Variants in FNBP1 observed in about 807,000 individuals in gnomAD.
FNBP1 encodes formin binding protein 1.
In FNBP1, 26 loss-of-function variants were observed where a neutral mutation model predicts 90.6. That is an observed-to-expected ratio of 0.29 (90% CI 0.21 to 0.40). The LOEUF is 0.40. Among genes scored for constraint, FNBP1 ranks in the 10% least tolerant of loss-of-function variants. The pLI is 1.00. For missense variants in FNBP1, 635 were observed against 768.0 expected (o/e 0.83, Z 2.05); for synonymous variants, 260 against 265.2 (o/e 0.98, Z 0.19).
At chr9:129,913,802 T>C (rs974250947) in intron 11 of FNBP1, among the ~76,000 whole-genome samples, 2 of 152,034 alleles carry the variant, frequency 1.3e-5, no homozygotes, top group African/African-American at 4.8e-5. Flanking sequence ...CCCTTGCTTG[T>C]TGACAGCTTC....
In FNBP1 at chr9:130,039,412, C is replaced by T. The variant is rs564800333; in HGVS notation, c.24+3540G>A. On this transcript the variant is annotated intron_variant, in intron 1 of 16. Coordinates refer to ENST00000446176, the MANE Select transcript of FNBP1 (RefSeq NM_015033.3). ...ATGTAAGCCTGGGCGAGGTAGCTCG[C>T]GCCTGTAATCCCAGCACTTTGGGAG... 1.2e-3 allele frequency among the ~76,000 whole-genome samples: 189 copies of T among 152,254 alleles called. 1 individual carries two copies. Among genetic ancestry groups the T allele is most frequent in the African/African-American group, 4.3e-3 (180 of 41,552 alleles).
the FNBP1 span, chr9:130,053,667 C>G: frequency 1.9e-6 from 1 of 527,618 alleles, no homozygotes; most frequent in Non-Finnish European, 3.4e-6. Flanking sequence ...CCGGGCTGGT[C>G]TGGTTCGGCC....
At chr9:130,011,214 T>TAAAA in intron 1 of FNBP1, among the ~76,000 whole-genome samples, 1 of 8,446 alleles carries the variant, frequency 1.2e-4, no homozygotes, top group Non-Finnish European at 1.9e-4. Context: ...AGACTCCATC[T>TAAAA]CAAAAAAAAA....
At chr9:129,985,329 T>C (rs2051988987) in intron 2 of FNBP1, among the ~76,000 whole-genome samples, 1 of 152,164 alleles carries the variant, frequency 6.6e-6, no homozygotes, top group African/African-American at 2.4e-5. Flanking sequence ...TATTACCTTA[T>C]TAAGCCCACT....
intron 4 of FNBP1, among the ~76,000 whole-genome samples, chr9:129,970,143 G>A (rs1410897716): frequency 6.6e-6 from 1 of 151,674 alleles, no homozygotes; most frequent in African/African-American, 2.4e-5. Flanking sequence ...CCGACCTCAT[G>A]ATCCCCCTAC....
In FNBP1 at chr9:129,967,479, C is replaced by A. The variant is rs543862677; in HGVS notation, c.346-8926G>T. 1.4e-4 allele frequency among the ~76,000 whole-genome samples: 21 copies of A among 152,210 alleles called. No individual in the cohort carries two copies. The South Asian group carries it at 1.7e-3, about 12-fold the overall frequency. ...GCAGAGAGCCGAGATAGCGCCACTGCACTCCAGACTGGTGACAGAGTGAGA... is the reference window on the plus strand; with the variant it reads ...GCAGAGAGCCGAGATAGCGCCACTGAACTCCAGACTGGTGACAGAGTGAGA... On this transcript the variant is annotated intron_variant, in intron 4 of 16. Transcript: ENST00000446176.
In FNBP1 at chr9:129,890,993, A is replaced by T. The variant is rs1368361776; in HGVS notation, c.1847-447T>A. ...AACATGGTGAAAACCCATCTCTATTAAAAATACAACAATTAGCCTGGCGTG... is the reference window on the plus strand; with the variant it reads ...AACATGGTGAAAACCCATCTCTATTTAAAATACAACAATTAGCCTGGCGTG... On this transcript the variant is annotated intron_variant, in intron 16 of 16. Transcript: ENST00000446176. This position sits in a 1 kb window ranked among gnomAD's most constrained non-coding sequence, Gnocchi z 5.8. Among the ~76,000 whole-genome samples the T allele has an allele frequency of 6.6e-6, 1 of 151,984 alleles. No homozygotes were observed. The highest frequency in any genetic ancestry group is 1.5e-5 in the Non-Finnish European group (1 of 67,980).
At chr9:129,949,712 A>G (rs2045876196) in intron 6 of FNBP1, among the ~76,000 whole-genome samples, 1 of 150,368 alleles carries the variant, frequency 6.7e-6, no homozygotes, top group South Asian at 2.1e-4. Context: ...AAGTAAAAAC[A>G]AACAAACAAA....
chr9:129,994,281 C>T (rs982000877), intron 2 of FNBP1, among the ~76,000 whole-genome samples: 1 of 152,106 alleles, frequency 6.6e-6, no homozygotes, highest in Non-Finnish European at 1.5e-5. Flanking sequence ...ATCTCACAAA[C>T]GTAATATAGA....
intron 1 of FNBP1, among the ~76,000 whole-genome samples, chr9:129,999,690 A>T (rs1222847708): frequency 2.0e-5 from 3 of 152,136 alleles, no homozygotes; most frequent in Admixed American, 2.0e-4. Flanking sequence ...AAATGGAGAG[A>T]TTTTTAAAGG....
In FNBP1 at chr9:129,966,109, C is replaced by T. The variant is rs2048597738; in HGVS notation, c.346-7556G>A. 1.3e-5 allele frequency among the ~76,000 whole-genome samples: 2 copies of T among 152,082 alleles called. No individual in the cohort carries two copies. The highest frequency in any genetic ancestry group is 4.1e-4 in the South Asian group (2 of 4,820). ...CTGTCCCAGTGAAACTGAGTGGATC[C>T]AGAAGTAAGACAAACAGGGTAAAGG... On this transcript the variant is annotated intron_variant, in intron 4 of 16. Transcript: ENST00000446176. This position sits in a 1 kb window ranked among gnomAD's most constrained non-coding sequence, Gnocchi z 4.3.
chr9:130,045,687 C>T (rs1465241681), upstream of FNBP1, among the ~76,000 whole-genome samples: 1 of 152,106 alleles, frequency 6.6e-6, no homozygotes, highest in Non-Finnish European at 1.5e-5. Flanking sequence ...CTTCATTAAG[C>T]TTTGGCAGTA....
the FNBP1 span, among the ~76,000 whole-genome samples, chr9:130,050,149 A>G: frequency 6.6e-6 from 1 of 152,184 alleles, no homozygotes; most frequent in African/African-American, 2.4e-5. Flanking sequence ...AAAATTTCCA[A>G]CTTCTTTTGC....
At position 130,037,328 on chromosome 9, in the gene FNBP1, TG is replaced by T. The variant is rs554178985; in HGVS notation, c.24+5623del. 8.6e-3 allele frequency among the ~76,000 whole-genome samples: 1,306 copies of T among 152,134 alleles called. 9 individuals carry two copies. Among genetic ancestry groups the T allele is most frequent in the Non-Finnish European group, 0.014 (945 of 68,002 alleles). On this transcript the variant is annotated intron_variant, in intron 1 of 16. Transcript: ENST00000446176. ...GAGATCGCGCCACTGCACGCCAGCC[TG>T]GGTGACTGAGCAAAACTCCATCTCG...
chr9:129,971,453 C>T (rs569356446), intron 4 of FNBP1, among the ~76,000 whole-genome samples: 7 of 152,032 alleles, frequency 4.6e-5, no homozygotes, highest in South Asian at 4.1e-4. Flanking sequence ...TGCAGTGGTG[C>T]GATCTCAGCT....
chr9:130,017,950 G>A (rs1328764013), intron 1 of FNBP1, among the ~76,000 whole-genome samples: 1 of 108,056 alleles, frequency 9.3e-6, no homozygotes, highest in African/African-American at 3.7e-5. Context: ...GTTTCACTCT[G>A]TCGCCCAGGC....
At chr9:129,969,003 A>G (rs1009208998) in intron 4 of FNBP1, among the ~76,000 whole-genome samples, 3 of 152,200 alleles carry the variant, frequency 2.0e-5, no homozygotes, top group Non-Finnish European at 4.4e-5. Flanking sequence ...TCGCTGTGGA[A>G]AAGCCCAGAC....
rs1222458300 is a variant in FNBP1 at position 129,900,881 on chromosome 9, A to T, written c.1429-334T>A. On this transcript the variant is annotated intron_variant, in intron 13 of 16. Transcript: ENST00000446176. The surrounding 1 kb of genome is among the most constrained non-coding windows in gnomAD (Gnocchi z 4.1). ...ATGCTATCCCCTTGGGCTTTTAAGCAGCAGTGCAGTCTTGGATAAGTCACT... is the reference window on the plus strand; with the variant it reads ...ATGCTATCCCCTTGGGCTTTTAAGCTGCAGTGCAGTCTTGGATAAGTCACT... Among the ~76,000 whole-genome samples the T allele has an allele frequency of 1.3e-5, 2 of 152,272 alleles. No homozygotes were observed. Among genetic ancestry groups the T allele is most frequent in the Non-Finnish European group, 2.9e-5 (2 of 68,046 alleles).
rs145392840 is a variant in FNBP1, at chr9:130,000,539, T to C, written c.25-5581A>G. Among the ~76,000 whole-genome samples the C allele has an allele frequency of 7.1e-3, 1,079 of 152,266 alleles. 14 individuals carry two copies. The highest frequency in any genetic ancestry group is 0.024 in the African/African-American group (986 of 41,550). On this transcript the variant is annotated intron_variant, in intron 1 of 16. Coordinates refer to ENST00000446176, the MANE Select transcript of FNBP1 (RefSeq NM_015033.3). ...AAGAAAAAAAGAAAATATTATATCA[T>C]AGATATATGCAGATCTTCCAACTGT...
Sources: allele counts gnomAD v4.1 joint callset (sites outside exome capture counted in the v4.1 genomes callset), GRCh38; gene constraint gnomAD v4.1.1; non-coding constraint Gnocchi (gnomAD v3.1); transcripts MANE v1.5; gene names NCBI Gene and HGNC (gene_info 2026-07-23, HGNC 2026-07-21).